The following MCC variants were observed in gnomAD, a reference collection of about 807,000 sequenced individuals.
The protein encoded by MCC is colorectal mutant cancer protein.
Under a neutral mutation model 116.2 loss-of-function variants are expected in MCC, and 90 were observed. That is an observed-to-expected ratio of 0.77 (90% CI 0.65 to 0.92). The LOEUF (loss-of-function observed/expected upper bound fraction) is 0.92. MCC is among the 40% of genes least tolerant of loss of function. The pLI is 0.00. For missense variants in MCC, 1,516 were observed against 1,312.2 expected, an observed-to-expected ratio of 1.16 and a Z score of -2.40; for synonymous variants, 578 against 510.5, an observed-to-expected ratio of 1.13 and a Z score of -1.78.
intron 1 of MCC, among the ~76,000 whole-genome samples, chr5:113,439,421 C>T (rs924003862): frequency 6.6e-6 from 1 of 152,134 alleles, no homozygotes; most frequent in Non-Finnish European, 1.5e-5. Flanking sequence ...GGCATTTGAA[C>T]AAAACACAGA....
At chr5:113,331,851 C>T (rs11741860) in intron 3 of MCC, among the ~76,000 whole-genome samples, 30,824 of 151,186 alleles carry the variant, frequency 0.2, 3,706 homozygotes, top group Non-Finnish European at 0.23. Context: ...TTAACCAGGC[C>T]GGTCTTGAAC....
chr5:113,101,760 C>T lies in MCC; in HGVS notation c.1377G>A (p.Glu459=). Residue 459 remains glutamate, a synonymous_variant, in exon 8 of 19, where the codon GAG becomes GAA. Transcript: ENST00000408903. ...TKATMNAIRE[E]RDRLRRRVRE... is the part of the protein sequence containing the mutation. ...TCACCCTCCTCCGGAGCCGGTCCCG[C>T]TCTTCCCGGATGGCATTCATGGTGG... 1 of 1,613,496 alleles carries T rather than the reference C, an allele frequency of 6.2e-7. No individual in the cohort carries two copies. The highest frequency in any genetic ancestry group is 8.5e-7 in the Non-Finnish European group (1 of 1,180,020).
intron 1 of MCC, among the ~76,000 whole-genome samples, chr5:113,450,082 T>G (rs1342750831): frequency 6.6e-6 from 1 of 152,202 alleles, no homozygotes; most frequent in Non-Finnish European, 1.5e-5. Flanking sequence ...GATAAGAGTT[T>G]ACGGACATTG....
At chr5:113,464,771 A>T (rs1393593527) in intron 1 of MCC, among the ~76,000 whole-genome samples, 1 of 143,768 alleles carries the variant, frequency 7.0e-6, no homozygotes, top group Non-Finnish European at 1.5e-5. Flanking sequence ...AATAACTTTA[A>T]TATATACTAT....
intron 3 of MCC, among the ~76,000 whole-genome samples, chr5:113,276,934 T>C (rs1472183444): frequency 1.3e-5 from 2 of 151,534 alleles, no homozygotes; most frequent in South Asian, 4.2e-4. Flanking sequence ...CCATTGCACC[T>C]GGCCAAAAGG....
intron 1 of MCC, among the ~76,000 whole-genome samples, chr5:113,425,646 AAG>A (rs1770461196): frequency 6.6e-6 from 1 of 152,230 alleles, no homozygotes. Flanking sequence ...TCTACAATTG[AAG>A]AAAACTTGAA....
chr5:113,134,425 C>G (rs1199920178), intron 5 of MCC, among the ~76,000 whole-genome samples: 4 of 152,114 alleles, frequency 2.6e-5, no homozygotes, highest in Non-Finnish European at 5.9e-5. Context: ...TTTCATTGCT[C>G]TATGTGTCTG....
intron 3 of MCC, among the ~76,000 whole-genome samples, chr5:113,291,598 A>G (rs981959486): frequency 1.3e-5 from 2 of 152,116 alleles, no homozygotes; most frequent in African/African-American, 4.8e-5. Flanking sequence ...AACTGACCCC[A>G]CAGTGACCTC....
At chr5:113,068,370 T>A (rs1379488717) in intron 12 of MCC, among the ~76,000 whole-genome samples, 187 bp from the exon 13 acceptor site, 1 of 152,234 alleles carries the variant, frequency 6.6e-6, no homozygotes, top group Non-Finnish European at 1.5e-5. Flanking sequence ...GGCCTTTTTA[T>A]TTTTAAACCT....
At chr5:113,366,821 G>C (rs1768699867) in intron 2 of MCC, among the ~76,000 whole-genome samples, 1 of 151,924 alleles carries the variant, frequency 6.6e-6, no homozygotes, top group African/African-American at 2.4e-5. Flanking sequence ...CTTATTTTTT[G>C]AGACAGGATC....
At chr5:113,258,394 T>C (rs1043834813) in intron 3 of MCC, among the ~76,000 whole-genome samples, 6 of 152,236 alleles carry the variant, frequency 3.9e-5, no homozygotes, top group Admixed American at 2.6e-4. Flanking sequence ...GTCTATGGCC[T>C]GTTAGGAACC....
chr5:113,269,024 GGCAGCAAA>G, intron 3 of MCC: 1 of 298,068 alleles, frequency 3.4e-6, no homozygotes, highest in Non-Finnish European at 5.0e-6. Context: ...AAAGAAGAAT[GGCAGCAAA>G]AGTTAGAAAC....
intron 3 of MCC, chr5:113,294,879 G>A (rs1766661082): frequency 2.0e-6 from 2 of 985,764 alleles, no homozygotes; most frequent in South Asian, 4.7e-5. Flanking sequence ...AAAGCTAGAG[G>A]GAGCCGGAGC....
Position 113,064,115 on chromosome 5 carries a change from G to A in MCC, c.2082C>T (p.Asp694=). The change falls in exon 14 of 19, where the codon GAC becomes GAT. Residue 694 remains aspartate (D), a synonymous_variant. Coordinates refer to ENST00000408903, the MANE Select transcript of MCC (RefSeq NM_001085377.2). ...NITQMLKRAH[D]CRKTAENAAK... ...CAGCGTTCTCAGCTGTCTTCCGGCA[G>A]TCATGAGCTCGCTTGAGCATCTGAG... 6.2e-7 allele frequency: 1 copy of A among 1,614,122 alleles called. No homozygotes were observed.
In MCC at chr5:113,104,140, C is replaced by A. The variant is rs1337319681; in HGVS notation, c.1191+52G>T. The stretch of plus-strand genomic sequence containing the variant: ...CTGCACTTCAAGAGAAGGATTGGAC[C>A]ATTTCCCTTTCAGAACCTCAAAGGG... On this transcript the variant is annotated intron_variant, in intron 7 of 18. Coordinates refer to ENST00000408903, the MANE Select transcript of MCC (RefSeq NM_001085377.2). The A allele has an allele frequency of 2.6e-6, 4 of 1,510,932 alleles. No individual in the cohort carries two copies. The Admixed American group carries it at 8.1e-5, about 31-fold the overall frequency. The allele number at this position is 1,510,932 out of a possible 1,614,324, so 93.6% of individuals were successfully genotyped here.
At chr5:113,095,662 G>C (rs1581047121) in intron 8 of MCC, among the ~76,000 whole-genome samples, 1 of 151,632 alleles carries the variant, frequency 6.6e-6, no homozygotes, top group East Asian at 1.9e-4. Flanking sequence ...GGGACTATGG[G>C]TGCACACCAT....
At chr5:113,164,477 G>A (rs190993719) in intron 3 of MCC, among the ~76,000 whole-genome samples, 2 of 152,188 alleles carry the variant, frequency 1.3e-5, no homozygotes, top group East Asian at 1.9e-4. Flanking sequence ...ATCGCCCAGG[G>A]GCCCCTAGGA....
rs187692539 is a variant in MCC, at chr5:113,476,693, T to C, written c.170+11552A>G. 3.3e-5 allele frequency among the ~76,000 whole-genome samples: 5 copies of C among 152,282 alleles called. No individual in the cohort carries two copies. In the East Asian group the frequency reaches 9.6e-4, roughly 29 times the overall value. ...AAGGCCACAGAATGTACAATATCCA[T>C]AGCAGGCAAGTCTAGAGAGGCAGCA... is the stretch of plus-strand genomic sequence containing the variant. On this transcript the variant is annotated intron_variant, in intron 1 of 18. Coordinates refer to ENST00000408903, the MANE Select transcript of MCC (RefSeq NM_001085377.2).
intron 3 of MCC, among the ~76,000 whole-genome samples, chr5:113,212,993 G>T (rs1019207314): frequency 6.6e-6 from 1 of 152,004 alleles, no homozygotes; most frequent in Non-Finnish European, 1.5e-5. Flanking sequence ...TGGTTCCAGC[G>T]TTCCTTCTTT....
Sources: allele counts gnomAD v4.1 joint callset (sites outside exome capture counted in the v4.1 genomes callset), GRCh38; gene constraint gnomAD v4.1.1; transcripts MANE v1.5; gene names NCBI Gene and HGNC (gene_info 2026-07-23, HGNC 2026-07-21).